LTN1: variants seen among roughly 807,000 people sequenced by gnomAD.
The protein encoded by LTN1 is listerin E3 ubiquitin protein ligase 1, also known as E3 ubiquitin-protein ligase listerin.
A neutral mutation model predicts 201.2 loss-of-function variants in LTN1; 88 were observed. The observed-to-expected ratio is 0.44, with a 90% CI of 0.37 to 0.52. The LOEUF (loss-of-function observed/expected upper bound fraction) is 0.52, where lower values mean the gene tolerates loss of function less well. LTN1 is among the 20% of genes least tolerant of loss of function. The pLI is 0.00. For synonymous variants in LTN1, 645 were observed against 713.5 expected (o/e 0.90, Z 1.53); for missense variants, 1,752 against 2,038.7 (o/e 0.86, Z 2.71).
intron 6 of LTN1, 80 bp from the exon 7 acceptor site, chr21:28,971,524 T>A (rs917748256): frequency 2.3e-6 from 3 of 1,292,114 alleles, no homozygotes; most frequent in Non-Finnish European, 2.2e-6. Flanking sequence ...TAGTAGATTA[T>A]TCACACTAAC....
chr21:28,949,439 C>T (rs1601176314), intron 18 of LTN1, among the ~76,000 whole-genome samples: 3 of 152,258 alleles, frequency 2.0e-5, no homozygotes, highest in Admixed American at 2.0e-4. Context: ...CACTATTGTG[C>T]AACTAATCTC....
chr21:28,943,413 A>G (rs949989828), intron 23 of LTN1, 77 bp from the exon 24 acceptor site: 22 of 851,952 alleles, frequency 2.6e-5, no homozygotes, highest in Non-Finnish European at 4.0e-5. Flanking sequence ...AGAAAGACCA[A>G]TACTTATTTT....
intron 1 of LTN1, among the ~76,000 whole-genome samples, chr21:28,991,175 T>C (rs1232774268): frequency 6.6e-6 from 1 of 150,642 alleles, no homozygotes; most frequent in East Asian, 1.9e-4. Flanking sequence ...GAGTCCTAGC[T>C]ACTAAGGAGG....
chr21:28,940,197 T>G (rs1303988532), intron 25 of LTN1, among the ~76,000 whole-genome samples: 2 of 152,228 alleles, frequency 1.3e-5, no homozygotes, highest in Non-Finnish European at 2.9e-5. Context: ...TTGTTCTTTT[T>G]GAGACAGGGT....
At chr21:28,936,740 A>ATTGTCTTGGTGTATTT in intron 25 of LTN1, 43 bp from the exon 26 acceptor site, 1 of 1,476,542 alleles carries the variant, frequency 6.8e-7, no homozygotes, top group Non-Finnish European at 9.3e-7. Flanking sequence ...AAATACACCA[A>ATTGTCTTGGTGTATTT]GACAATTGGT....
chr21:28,971,156 T>C, intron 7 of LTN1, 115 bp downstream of exon 7: 1 of 872,052 alleles, frequency 1.1e-6, no homozygotes, highest in Admixed American at 3.0e-5. Flanking sequence ...CACTTTAAGA[T>C]TTATGCCAAG....
chr21:28,935,088 G>C (rs1460834837), intron 27 of LTN1, 21 bp downstream of exon 27: 5 of 1,507,924 alleles, frequency 3.3e-6, no homozygotes, highest in Non-Finnish European at 3.7e-6. Context: ...CTTTTCTAGA[G>C]AAAGTCAAGA....
chr21:28,947,662 T>G (rs2084349226), intron 18 of LTN1, 56 bp from the exon 19 acceptor site: 2 of 1,111,084 alleles, frequency 1.8e-6, no homozygotes, highest in Non-Finnish European at 2.5e-6. Flanking sequence ...ACAGTTATTT[T>G]ATATATTTCT....
At chr21:28,958,943 A>C (rs1227032872) in intron 13 of LTN1, among the ~76,000 whole-genome samples, 1 of 152,144 alleles carries the variant, frequency 6.6e-6, no homozygotes, top group Non-Finnish European at 1.5e-5. Flanking sequence ...AGGAAAGAAA[A>C]AAAGAAAGGA....
chr21:28,946,172 T>C lies in LTN1; in HGVS notation c.3603A>G (p.Glu1201=). 6.3e-7 allele frequency: 1 copy of C among 1,581,842 alleles called. No individual in the cohort carries two copies. The highest frequency in any genetic ancestry group is 8.6e-7 in the Non-Finnish European group (1 of 1,164,828). ...CCTACCAACTGAAAAGAAAAATATC[T>C]TCATGCTCTTTCTTCCAGGATATTA... The part of the protein sequence containing the change: ...KIIISWKKEH[E]DIFLFSCNLS... Residue 1201 remains glutamate, a synonymous_variant, in exon 20 of 30, where the codon GAA becomes GAG. Transcript: ENST00000361371.
chr21:28,937,239 C>A (rs1291378906), intron 25 of LTN1, among the ~76,000 whole-genome samples: 1 of 152,204 alleles, frequency 6.6e-6, no homozygotes, highest in African/African-American at 2.4e-5. Context: ...CTGTACTTCA[C>A]AACTCCTGCT....
rs2146258797 is a variant in LTN1, at chr21:28,936,700, G to A, written c.4483-3C>T. 1 of 1,600,838 alleles carries A rather than the reference G, an allele frequency of 6.2e-7. No individual in the cohort carries two copies. Among genetic ancestry groups the A allele is most frequent in the East Asian group, 2.2e-5 (1 of 44,550 alleles). On this transcript the variant is annotated splice_region_variant and splice_polypyrimidine_tract_variant and intron_variant, in intron 25 of 29. Coordinates refer to ENST00000361371, the MANE Select transcript of LTN1 (RefSeq NM_015565.3). ...TACATGGAATACAAAGCCCGAAGCT[G>A]GTGGAGAGCAAAGAATTTGTTAGTA...
intron 9 of LTN1, chr21:28,967,554 C>T (rs914276973): frequency 6.5e-5 from 11 of 170,076 alleles, no homozygotes; most frequent in Non-Finnish European, 8.7e-5. Context: ...TGGAGAGTAG[C>T]GCACCCAGGG....
intron 18 of LTN1, among the ~76,000 whole-genome samples, chr21:28,950,278 T>C (rs2084371980): frequency 6.6e-6 from 1 of 152,192 alleles, no homozygotes; most frequent in African/African-American, 2.4e-5. Flanking sequence ...TAGTTTTTGT[T>C]ATCATTGTGA....
intron 9 of LTN1, 123 bp downstream of exon 9, chr21:28,969,343 T>C (rs2084553924): frequency 1.3e-6 from 1 of 769,570 alleles, no homozygotes; most frequent in East Asian, 2.8e-5. Context: ...ACTCAATTGG[T>C]AAATTATAAA....
At chr21:28,956,232 CAAT>C (rs1015048718) in intron 16 of LTN1, among the ~76,000 whole-genome samples, 6 of 152,180 alleles carry the variant, frequency 3.9e-5, no homozygotes, top group Admixed American at 1.3e-4. Context: ...CCATAGTTAA[CAAT>C]GATTTATATT....
At chr21:28,976,063 T>C (rs1019616908) in intron 6 of LTN1, among the ~76,000 whole-genome samples, 59 of 151,916 alleles carry the variant, frequency 3.9e-4, no homozygotes, top group African/African-American at 1.4e-3. Flanking sequence ...AATCAATGAC[T>C]GCCTGGGATA....
At chr21:28,988,004 G>A (rs560621554) in intron 1 of LTN1, among the ~76,000 whole-genome samples, 2 of 152,126 alleles carry the variant, frequency 1.3e-5, no homozygotes, top group African/African-American at 2.4e-5. Context: ...TTAACTGGGC[G>A]TGGTGGCGCA....
At position 28,970,657 on chromosome 21, in the gene LTN1, G is replaced by A. The variant is rs1454975334; in HGVS notation, c.1070C>T (p.Thr357Ile). ...VIREGGRGLA[T>I]VIYPYLLPFI... The stretch of plus-strand genomic sequence containing the variant: ...TGGCAGAAGGTAAGGATATATGACA[G>A]TAGCTAGACCCCGACCACCTTCACG... The change falls in exon 8 of 30, where the codon ACT becomes ATT. Residue 357 changes from threonine (T) to isoleucine (I), a missense_variant. By Grantham distance (89) the Thr-to-Ile change is moderately conservative (BLOSUM62 -1). Around this residue, in one of 3 missense-constraint regions of LTN1, gnomAD observed 1,211 missense variants for 1,312.8 expected, o/e 0.92. Coordinates refer to ENST00000361371, the MANE Select transcript of LTN1 (RefSeq NM_015565.3). The A allele has an allele frequency of 3.1e-6, 5 of 1,613,868 alleles. No individual in the cohort carries two copies. The highest frequency in any genetic ancestry group is 4.2e-6 in the Non-Finnish European group (5 of 1,179,790).
Sources: gnomAD v4.1 joint callset for allele counts (sites outside exome capture counted in the v4.1 genomes callset) on GRCh38, gnomAD v4.1.1 for gene constraint, gnomAD v4.1.1 regional missense constraint, MANE v1.5 for transcripts, NCBI Gene and HGNC (gene_info 2026-07-23, HGNC 2026-07-21) for gene names.